DLG2: variants seen among roughly 807,000 people sequenced by gnomAD.
DLG2 encodes the protein disks large homolog 2.
DLG2 carries 45 observed loss-of-function variants against 132.5 expected under a neutral mutation model. The ratio of observed to expected loss-of-function variants is 0.34; its 90% CI spans 0.27 to 0.44. The LOEUF (loss-of-function observed/expected upper bound fraction) is 0.44. Ranked by LOEUF, DLG2 falls within the 20% of genes least tolerant of loss-of-function variation. The pLI is 1.00. For synonymous variants in DLG2, 424 were observed against 419.6 expected (o/e 1.01, Z -0.13); for missense variants, 1,045 against 1,196.9 (o/e 0.87, Z 1.87).
intron 6 of DLG2, among the ~76,000 whole-genome samples, chr11:85,011,503 G>A (rs1399400187): frequency 6.6e-6 from 1 of 152,190 alleles, no homozygotes; most frequent in Non-Finnish European, 1.5e-5. Context: ...AGTCAAGAGT[G>A]CATTGAAAAG....
intron 6 of DLG2, among the ~76,000 whole-genome samples, chr11:84,940,010 C>T (rs2049194478): frequency 6.6e-6 from 1 of 152,158 alleles, no homozygotes; most frequent in Non-Finnish European, 1.5e-5. Flanking sequence ...GACTTTTCTC[C>T]ATAGTGGCTG....
chr11:84,894,281 A>C (rs2089879595), intron 6 of DLG2, among the ~76,000 whole-genome samples: 1 of 152,148 alleles, frequency 6.6e-6, no homozygotes. Flanking sequence ...CAGTATTTAA[A>C]AAGCAGAAAT....
chr11:85,490,647 T>C (rs996296615), intron 3 of DLG2, among the ~76,000 whole-genome samples: 2 of 151,952 alleles, frequency 1.3e-5, no homozygotes, highest in Admixed American at 6.6e-5. Flanking sequence ...CAAAAGATCA[T>C]CAGAGATGAT....
intron 7 of DLG2, among the ~76,000 whole-genome samples, chr11:84,494,253 A>T (rs1426822261): frequency 6.6e-6 from 1 of 152,210 alleles, no homozygotes; most frequent in South Asian, 2.1e-4. Flanking sequence ...TTAATCGGAA[A>T]GAATATGCTG....
intron 7 of DLG2, among the ~76,000 whole-genome samples, chr11:84,398,000 T>G (rs1430249747): frequency 6.6e-6 from 1 of 152,224 alleles, no homozygotes; most frequent in East Asian, 1.9e-4. Context: ...TTCTTCATAA[T>G]GCTTTATTTT....
At chr11:84,735,929 T>C (rs2063771661) in intron 6 of DLG2, among the ~76,000 whole-genome samples, 1 of 152,028 alleles carries the variant, frequency 6.6e-6, no homozygotes, top group Non-Finnish European at 1.5e-5. Flanking sequence ...AATTTATTAT[T>C]TTTTCCTTTA....
At chr11:85,595,062 C>G (rs913411561) in intron 3 of DLG2, among the ~76,000 whole-genome samples, 2 of 109,304 alleles carry the variant, frequency 1.8e-5, no homozygotes, top group African/African-American at 8.1e-5. Flanking sequence ...GAGACTCTGT[C>G]TCAAAAAAAA....
intron 3 of DLG2, among the ~76,000 whole-genome samples, chr11:85,439,596 T>A (rs528424560): frequency 6.6e-6 from 1 of 152,122 alleles, no homozygotes; most frequent in East Asian, 1.9e-4. Context: ...CCTGACCTCA[T>A]GATGTACCCG....
rs140439855 is a variant in DLG2, at chr11:84,392,152, G to A, written c.520-140861C>T. On this transcript the variant is annotated intron_variant, in intron 7 of 27. Coordinates refer to ENST00000376104, the MANE Select transcript of DLG2 (RefSeq NM_001142699.3). ...GGAAGCTTTCCTTTACACCTTAAAT[G>A]AGACCTGGATCTCCTGTTCTTTTGC... 2.0e-3 allele frequency among the ~76,000 whole-genome samples: 303 copies of A among 152,226 alleles called. 1 individual carries two copies. The highest frequency in any genetic ancestry group is 7.0e-3 in the African/African-American group (292 of 41,532).
intron 7 of DLG2, among the ~76,000 whole-genome samples, chr11:84,500,575 T>C (rs575890070): frequency 3.1e-4 from 47 of 152,304 alleles, no homozygotes; most frequent in Non-Finnish European, 6.0e-4. Flanking sequence ...GGCTAGGAAG[T>C]GTAATCTAGC....
chr11:84,047,605 A>T (rs933171650), intron 11 of DLG2, among the ~76,000 whole-genome samples: 2 of 151,648 alleles, frequency 1.3e-5, no homozygotes, highest in Admixed American at 1.3e-4. Flanking sequence ...AATGTTGAAA[A>T]ACCAAAAGTA....
intron 19 of DLG2, among the ~76,000 whole-genome samples, chr11:83,577,628 A>G (rs2096897722): frequency 8.3e-6 from 1 of 120,960 alleles, no homozygotes; most frequent in Admixed American, 9.5e-5. Context: ...TATATATGTT[A>G]TTTATAATAG....
At chr11:84,335,754 T>C (rs183819435) in intron 7 of DLG2, among the ~76,000 whole-genome samples, 22 of 152,326 alleles carry the variant, frequency 1.4e-4, no homozygotes, top group African/African-American at 4.1e-4. Flanking sequence ...ATCTGTGATA[T>C]GAGGATAATG....
chr11:84,601,424 A>G (rs1037245280), intron 6 of DLG2, among the ~76,000 whole-genome samples: 3 of 152,168 alleles, frequency 2.0e-5, no homozygotes, highest in Non-Finnish European at 2.9e-5. Flanking sequence ...TGTATCATCT[A>G]AGAGCTTTAA....
intron 21 of DLG2, among the ~76,000 whole-genome samples, chr11:83,500,386 C>A (rs2094402198): frequency 2.0e-5 from 3 of 152,168 alleles, no homozygotes; most frequent in South Asian, 4.2e-4. Flanking sequence ...TCAAAGTATT[C>A]CAGCATGGAT....
chr11:84,671,583 A>G (rs923914190), intron 6 of DLG2, among the ~76,000 whole-genome samples: 6 of 152,298 alleles, frequency 3.9e-5, no homozygotes, highest in Admixed American at 3.9e-4. Context: ...TGTTAAACAG[A>G]ATGACTTCCG....
At chr11:85,195,039 T>C (rs2080923506) in intron 4 of DLG2, among the ~76,000 whole-genome samples, 1 of 152,126 alleles carries the variant, frequency 6.6e-6, no homozygotes, top group Non-Finnish European at 1.5e-5. Context: ...AGGCCAGAGA[T>C]ATTCCCTACC....
intron 7 of DLG2, among the ~76,000 whole-genome samples, chr11:84,420,690 A>C: frequency 5.1e-5 from 1 of 19,522 alleles, no homozygotes; most frequent in South Asian, 1.7e-3. Flanking sequence ...TTTTTTTGAG[A>C]CGGAGTCTTG....
At chr11:85,359,854 ACACAAAAGAAAAGAAG>A (rs2084010625) in intron 3 of DLG2, among the ~76,000 whole-genome samples, 1 of 152,186 alleles carries the variant, frequency 6.6e-6, no homozygotes, top group Non-Finnish European at 1.5e-5. Context: ...TCCCCGTCAC[ACACAAAAGAAAAGAAG>A]ATTTGGGTGA....
Sources: gnomAD v4.1 joint callset for allele counts (sites outside exome capture counted in the v4.1 genomes callset) on GRCh38, gnomAD v4.1.1 for gene constraint, MANE v1.5 for transcripts, NCBI Gene and HGNC (gene_info 2026-07-23, HGNC 2026-07-21) for gene names.